Variants in SOD2 observed in about 807,000 individuals in gnomAD.
SOD2 encodes the protein superoxide dismutase 2, also known as superoxide dismutase [Mn], mitochondrial.
A neutral mutation model predicts 27.0 loss-of-function variants in SOD2; 11 were observed. The ratio of observed to expected loss-of-function variants is 0.41; its 90% confidence interval spans 0.26 to 0.67. The LOEUF (loss-of-function observed/expected upper bound fraction) is 0.67. Ranked by LOEUF, SOD2 falls within the 30% of genes least tolerant of loss-of-function variation. The pLI, the probability that SOD2 is intolerant of heterozygous loss-of-function variation, is 0.34. For missense variants in SOD2, 250 were observed against 274.5 expected, an observed-to-expected ratio of 0.91 and a Z score of 0.63; for synonymous variants, 105 against 103.0, an observed-to-expected ratio of 1.02 and a Z score of -0.12.
At chr6:159,712,795 T>A in intron 1 of SOD2, 1 of 532,622 alleles carries the variant, frequency 1.9e-6, no homozygotes, top group Non-Finnish European at 3.7e-6. Flanking sequence ...CTAGACTGGT[T>A]GGGTAAGCCC....
intron 1 of SOD2, among the ~76,000 whole-genome samples, chr6:159,700,975 C>G (rs1372018260): frequency 6.6e-6 from 1 of 152,074 alleles, no homozygotes; most frequent in Admixed American, 6.6e-5. Context: ...CTAGGAGACA[C>G]AAATTCTCAG....
At chr6:159,682,754 C>A in intron 4 of SOD2, 116 bp from the exon 5 acceptor site, 2 of 949,798 alleles carry the variant, frequency 2.1e-6, no homozygotes, top group East Asian at 3.0e-5. Flanking sequence ...GTAACAATCT[C>A]ATTCACTTGT....
chr6:159,716,591 T>C (rs1777925052), intron 1 of SOD2, among the ~76,000 whole-genome samples: 1 of 152,114 alleles, frequency 6.6e-6, no homozygotes, highest in Admixed American at 6.5e-5. Flanking sequence ...GCACCATCAC[T>C]ATGTGGTAAA....
intron 1 of SOD2, among the ~76,000 whole-genome samples, chr6:159,710,289 A>ATATATATATATAT (rs1562436098): frequency 6.9e-6 from 1 of 145,466 alleles, no homozygotes. Flanking sequence ...ATATATATAT[A>ATATATATATATAT]AAATACAAAA....
intron 4 of SOD2, among the ~76,000 whole-genome samples, chr6:159,684,096 A>G (rs919119696): frequency 6.6e-6 from 1 of 152,126 alleles, no homozygotes; most frequent in Non-Finnish European, 1.5e-5. Flanking sequence ...ATATTTTCAT[A>G]TACTCTACCA....
chr6:159,727,765 C>T (rs965154088), upstream of SOD2: 176 of 970,242 alleles, frequency 1.8e-4, no homozygotes, highest in Non-Finnish European at 2.1e-4. Flanking sequence ...AGGGCTGATG[C>T]GCAGCCGCCC....
rs1484155929 is a variant in SOD2 at position 159,675,986 on chromosome 6, C to T, written c.*6507G>A. The T allele has an allele frequency of 2.0e-5, 3 of 152,152 alleles. No homozygotes were observed. The highest frequency in any genetic ancestry group is 7.2e-5 in the African/African-American group (3 of 41,436). 9.4% of individuals were successfully genotyped at this position (152,152 alleles called of 1,614,324 possible). On this transcript the variant is annotated 3_prime_UTR_variant, in exon 5 of 5. Coordinates refer to ENST00000538183, the MANE Select transcript of SOD2 (RefSeq NM_000636.4). The stretch of plus-strand genomic sequence containing the variant: ...AAGACATCCATGCATCCAACAGACA[C>T]ATGAAAAAAATGCTCATCATCATGG...
chr6:159,737,615 C>G (rs1343685784), intron 1 of SOD2, among the ~76,000 whole-genome samples: 4 of 151,972 alleles, frequency 2.6e-5, no homozygotes, highest in East Asian at 3.9e-4. Flanking sequence ...CCTTTGCCCC[C>G]CAAAGTAGCT....
At chr6:159,730,867 T>G (rs1418918589), upstream of SOD2, 1 of 152,180 alleles carries the variant, frequency 6.6e-6, no homozygotes, top group Admixed American at 6.5e-5. Flanking sequence ...AAGCACCATT[T>G]AATTAAAATC....
chr6:159,738,600 A>G (rs561100588), intron 1 of SOD2, among the ~76,000 whole-genome samples: 6 of 152,216 alleles, frequency 3.9e-5, no homozygotes, highest in African/African-American at 1.4e-4. Flanking sequence ...TATATGGCAC[A>G]TTCATTTTTA....
chr6:159,704,278 G>A (rs1777579261), intron 1 of SOD2, among the ~76,000 whole-genome samples: 1 of 152,224 alleles, frequency 6.6e-6, no homozygotes, highest in Non-Finnish European at 1.5e-5. Flanking sequence ...GACAGTGGGT[G>A]GAGGACAGTG....
Position 159,681,498 on chromosome 6 carries a change from C to G in SOD2, c.*995G>C, listed in dbSNP as rs541208348. On this transcript the variant is annotated 3_prime_UTR_variant, in exon 5 of 5. Transcript: ENST00000538183. ...GGGGCCTGGCCAGACCTTAATGTTC[C>G]TTTCTGCGGACCCCAAGTTTTTAGA... 6 of 152,390 alleles carry G rather than the reference C, an allele frequency of 3.9e-5. No individual in the cohort carries two copies. The highest frequency in any genetic ancestry group is 1.4e-4 in the African/African-American group (6 of 41,560). 9.4% of individuals were successfully genotyped at this position (152,390 alleles called of 1,614,324 possible).
intron 1 of SOD2, among the ~76,000 whole-genome samples, chr6:159,702,695 A>AG (rs1436143255): frequency 1.3e-5 from 2 of 149,190 alleles, no homozygotes; most frequent in African/African-American, 5.0e-5. Context: ...AAAGAAAGAA[A>AG]GAAAAAAAAG....
chr6:159,705,730 A>G (rs1385526176), intron 1 of SOD2, among the ~76,000 whole-genome samples: 1 of 152,264 alleles, frequency 6.6e-6, no homozygotes, highest in Admixed American at 6.5e-5. Flanking sequence ...CAACCTAGCA[A>G]GGCAGGCCAA....
intron 1 of SOD2, among the ~76,000 whole-genome samples, chr6:159,754,323 A>G (rs911151725): frequency 5.3e-5 from 8 of 152,160 alleles, no homozygotes; most frequent in Non-Finnish European, 1.2e-4. Context: ...TCCTTGGTTG[A>G]GAACATGGGC....
chr6:159,688,662 T>G (rs1780307885), intron 2 of SOD2, among the ~76,000 whole-genome samples: 1 of 152,018 alleles, frequency 6.6e-6, no homozygotes, highest in Non-Finnish European at 1.5e-5. Flanking sequence ...AACAAGAAAC[T>G]CAACATACTC....
chr6:159,669,115 CA>C lies in SOD2; in HGVS notation c.*13377del, dbSNP rs1582992405. The C allele has an allele frequency of 1.3e-5, 2 of 152,262 alleles. No individual in the cohort carries two copies. Among genetic ancestry groups the C allele is most frequent in the East Asian group, 3.9e-4 (2 of 5,186 alleles). 9.4% of individuals were successfully genotyped at this position (152,262 alleles called of 1,614,324 possible). A position where few individuals can be genotyped will look rare whatever the true frequency, so the allele number is the denominator to read the frequency against. The stretch of plus-strand genomic sequence containing the variant: ...ATCAGAAAATTACAGCATTTTTGTA[CA>C]TGAAAAAGCTTTCCCCCTACAACTA... On this transcript the variant is annotated 3_prime_UTR_variant, in exon 5 of 5. Coordinates refer to ENST00000538183, the MANE Select transcript of SOD2 (RefSeq NM_000636.4).
upstream of SOD2, among the ~76,000 whole-genome samples, chr6:159,695,341 C>T (rs746608884): frequency 1.3e-5 from 2 of 152,134 alleles, no homozygotes; most frequent in Non-Finnish European, 2.9e-5. Flanking sequence ...AAGCACCAAA[C>T]GTTGGGGGCT....
chr6:159,738,949 T>G, intron 1 of SOD2: 1 of 1,514,228 alleles, frequency 6.6e-7, no homozygotes, highest in Non-Finnish European at 9.1e-7. Flanking sequence ...CTTTGTGTCT[T>G]CAGGAAGAAC....
Sources: gnomAD v4.1 joint callset for allele counts (sites outside exome capture counted in the v4.1 genomes callset) on GRCh38, gnomAD v4.1.1 for gene constraint, MANE v1.5 for transcripts, NCBI Gene and HGNC (gene_info 2026-07-23, HGNC 2026-07-21) for gene names.